RHBDF2: variants seen among roughly 807,000 people sequenced by gnomAD.
RHBDF2 encodes the protein inactive rhomboid protein 2.
In RHBDF2, 38 loss-of-function variants were observed where a neutral mutation model predicts 95.2. That is an observed-to-expected ratio of 0.40 (90% confidence interval 0.31 to 0.52). The LOEUF is 0.52. Among genes scored for constraint, RHBDF2 ranks in the 20% least tolerant of loss-of-function variants. RHBDF2 has a pLI of 0.56. For missense variants in RHBDF2, 863 were observed against 1,137.7 expected, an observed-to-expected ratio of 0.76 and a Z score of 3.47; for synonymous variants, 442 against 462.0, an observed-to-expected ratio of 0.96 and a Z score of 0.55.
intron 2 of RHBDF2, among the ~76,000 whole-genome samples, chr17:76,482,735 T>C (rs1236509536): frequency 6.6e-6 from 1 of 151,610 alleles, no homozygotes; most frequent in Non-Finnish European, 1.5e-5. Flanking sequence ...ATCATGCCAC[T>C]GCACTCCAGC....
chr17:76,477,072 C>T (rs1279588089), intron 8 of RHBDF2, 48 bp from the exon 9 acceptor site: 3 of 1,611,436 alleles, frequency 1.9e-6, no homozygotes, highest in Middle Eastern at 1.7e-4. Context: ...CAAAATACTC[C>T]CAGACCCCAC....
At chr17:76,488,019 C>T (rs4614758) in intron 1 of RHBDF2, 110 bp from the exon 2 acceptor site, 139,518 of 152,264 alleles carry the variant, frequency 0.92, 64,613 homozygotes, top group Non-Finnish European at 0.99. Flanking sequence ...ACCTGCCTCA[C>T]TGGTAAGGGA....
chr17:76,470,981 T>C lies in RHBDF2; in HGVS notation c.*652A>G, dbSNP rs573183202. 1 of 152,628 alleles carries C rather than the reference T, an allele frequency of 6.6e-6. No homozygotes were observed. The highest frequency in any genetic ancestry group is 1.9e-4 in the East Asian group (1 of 5,188). The allele number at this position is 152,628 out of a possible 1,614,324, so 9.5% of individuals were successfully genotyped here. A position where few individuals can be genotyped will look rare whatever the true frequency, so the allele number is the denominator to read the frequency against. Reference sequence around the variant, plus strand: ...TAAAAATGAAGACCGTGATATAAACTGGTAAAAAACGGGCCTGATGCGCCT... The same window carrying C: ...TAAAAATGAAGACCGTGATATAAACCGGTAAAAAACGGGCCTGATGCGCCT... On this transcript the variant is annotated 3_prime_UTR_variant, in exon 19 of 19. Transcript: ENST00000675367.
chr17:76,488,072 G>A (rs1306114502), intron 1 of RHBDF2, 163 bp from the exon 2 acceptor site: 1 of 152,286 alleles, frequency 6.6e-6, no homozygotes, highest in Non-Finnish European at 1.5e-5. Context: ...AAGCAGCGAG[G>A]GGCACTGGCC....
At chr17:76,477,924 A>G (rs2073827103) in intron 6 of RHBDF2, 139 bp from the exon 7 acceptor site, 8 of 1,346,980 alleles carry the variant, frequency 5.9e-6, no homozygotes, top group Non-Finnish European at 7.9e-6. Flanking sequence ...AAGCGTGGAG[A>G]TTCTGCAAGC....
intron 1 of RHBDF2, among the ~76,000 whole-genome samples, chr17:76,494,731 G>A (rs1358761238): frequency 2.6e-5 from 4 of 152,112 alleles, no homozygotes; most frequent in Admixed American, 2.0e-4. Flanking sequence ...CAGCCTGGGC[G>A]ACAGAGCAAG....
Position 76,477,584 on chromosome 17 carries a change from C to T in RHBDF2, c.801+73G>A, listed in dbSNP as rs201726121. 882 of 1,520,220 alleles carry T rather than the reference C, an allele frequency of 5.8e-4. 1 individual carries two copies. Among genetic ancestry groups the T allele is most frequent in the South Asian group, 7.1e-4 (60 of 84,980 alleles). The allele number at this position is 1,520,220 out of a possible 1,614,324, so 94.2% of individuals were successfully genotyped here. A position where few individuals can be genotyped will look rare whatever the true frequency, so the allele number is the denominator to read the frequency against. On this transcript the variant is annotated intron_variant, in intron 7 of 18. Transcript: ENST00000675367. ...TCCCTCAGGGGTTCCTGAATATGATCAATGCCAAGGTCACCTCACCCAGCT... is the reference window on the plus strand; with the variant it reads ...TCCCTCAGGGGTTCCTGAATATGATTAATGCCAAGGTCACCTCACCCAGCT...
chr17:76,498,328 T>C (rs915257945), intron 1 of RHBDF2, among the ~76,000 whole-genome samples: 12 of 152,182 alleles, frequency 7.9e-5, no homozygotes, highest in African/African-American at 2.9e-4. Flanking sequence ...CCGGTGCAGA[T>C]GCCTGAGCTC....
At chr17:76,473,966 CCT>C in intron 13 of RHBDF2, 64 bp from the exon 14 acceptor site, 1 of 1,594,848 alleles carries the variant, frequency 6.3e-7, no homozygotes, top group South Asian at 1.1e-5. Context: ...TACCCACGTC[CCT>C]GTGGGTGGCT....
At chr17:76,480,490 GC>G (rs752452630) in intron 3 of RHBDF2, among the ~76,000 whole-genome samples, 9 of 148,920 alleles carry the variant, frequency 6.0e-5, no homozygotes, top group Non-Finnish European at 1.3e-4. Context: ...GCTCAAGCAA[GC>G]CTTCTACCTC....
chr17:76,498,336 C>G (rs2074481032), intron 1 of RHBDF2, among the ~76,000 whole-genome samples: 2 of 152,202 alleles, frequency 1.3e-5, no homozygotes, highest in Non-Finnish European at 2.9e-5. Flanking sequence ...GATGCCTGAG[C>G]TCACTCTGGA....
chr17:76,472,671 C>T lies in RHBDF2; in HGVS notation c.2064+15G>A, dbSNP rs371081732. ...CCCCTATGTGCGGAAGGGGTCCCAT[C>T]CTCCACATCCTTACCTCTGCCCGGT... On this transcript the variant is annotated intron_variant, in intron 18 of 18. Transcript: ENST00000675367. The T allele has an allele frequency of 8.1e-6, 13 of 1,613,920 alleles. No individual in the cohort carries two copies. The highest frequency in any genetic ancestry group is 1.1e-5 in the Non-Finnish European group (13 of 1,180,008).
chr17:76,479,189 G>A lies in RHBDF2; in HGVS notation c.361C>T (p.Arg121Cys), dbSNP rs187556554. 2.2e-4 allele frequency: 349 copies of A among 1,611,938 alleles called. 1 individual carries two copies. In the East Asian group the frequency reaches 4.5e-3, roughly 21 times the overall value. The change falls in exon 5 of 19, where the codon CGC becomes TGC. Residue 121 changes from arginine to cysteine, a missense_variant. Transcript: ENST00000675367. ...QRRSLHHCSM[R>C]YGRLKASCQR... Reference sequence around the variant, plus strand: ...CACGAGGCCTTCAGGCGGCCGTAGCGCATGCTGCAGTGGTGCAGGCTGCGG... The same window carrying A: ...CACGAGGCCTTCAGGCGGCCGTAGCACATGCTGCAGTGGTGCAGGCTGCGG...
intron 1 of RHBDF2, among the ~76,000 whole-genome samples, chr17:76,489,091 A>C (rs1448269368): frequency 6.6e-6 from 1 of 152,012 alleles, no homozygotes; most frequent in Non-Finnish European, 1.5e-5. Context: ...GCGCCACTGC[A>C]CTCCAGCCTG....
chr17:76,484,552 C>T (rs1440822112), intron 2 of RHBDF2, among the ~76,000 whole-genome samples: 1 of 148,180 alleles, frequency 6.7e-6, no homozygotes, highest in Non-Finnish European at 1.5e-5. Context: ...ACTCCACTCT[C>T]TCAATTCCTC....
At chr17:76,474,968 C>G (rs892653975) in intron 10 of RHBDF2, 62 bp downstream of exon 10, 9 of 1,472,532 alleles carry the variant, frequency 6.1e-6, no homozygotes, top group Admixed American at 2.0e-5. Flanking sequence ...ATTAGGTACC[C>G]ACGACACTGA....
rs573207090 is a variant in RHBDF2, at chr17:76,471,542, C to G, written c.*91G>C. The G allele has an allele frequency of 7.2e-7, 1 of 1,384,566 alleles. No homozygotes were observed. Among genetic ancestry groups the G allele is most frequent in the East Asian group, 2.5e-5 (1 of 39,778 alleles). 85.8% of individuals were successfully genotyped at this position (1,384,566 alleles called of 1,614,324 possible). On this transcript the variant is annotated 3_prime_UTR_variant, in exon 19 of 19. Coordinates refer to ENST00000675367, the MANE Select transcript of RHBDF2 (RefSeq NM_001005498.4). ...CGGGCCCTGTCTTGGGTCTCTGGCTCTCTGGCACACAGAGAGCGCTCTGCA... is the reference window on the plus strand; with the variant it reads ...CGGGCCCTGTCTTGGGTCTCTGGCTGTCTGGCACACAGAGAGCGCTCTGCA...
intron 1 of RHBDF2, among the ~76,000 whole-genome samples, chr17:76,498,985 C>T (rs1273307290): frequency 6.6e-6 from 1 of 151,826 alleles, no homozygotes; most frequent in Non-Finnish European, 1.5e-5. Flanking sequence ...GGGTTCACAC[C>T]CGAGCTCCAC....
intron 1 of RHBDF2, 130 bp from the exon 2 acceptor site, chr17:76,488,039 C>T (rs1484042462): frequency 6.6e-6 from 1 of 152,256 alleles, no homozygotes; most frequent in African/African-American, 2.4e-5. Flanking sequence ...ATTAAAGGTG[C>T]TAATCAGGCA....
Sources: gnomAD v4.1 joint callset for allele counts (sites outside exome capture counted in the v4.1 genomes callset) on GRCh38, gnomAD v4.1.1 for gene constraint, MANE v1.5 for transcripts, NCBI Gene and HGNC (gene_info 2026-07-23, HGNC 2026-07-21) for gene names.